Variants in ENPP1 observed in about 807,000 individuals in gnomAD.
ENPP1 encodes the protein ectonucleotide pyrophosphatase/phosphodiesterase family member 1.
A neutral mutation model predicts 122.8 loss-of-function variants in ENPP1; 73 were observed. That is an observed-to-expected ratio of 0.59 (90% confidence interval 0.49 to 0.72). ENPP1 has a LOEUF of 0.72. Ranked by LOEUF, ENPP1 falls within the 30% of genes least tolerant of loss-of-function variation. ENPP1 has a pLI of 0.00. For synonymous variants in ENPP1, 367 were observed against 391.6 expected (o/e 0.94, Z 0.74); for missense variants, 978 against 1,128.1 (o/e 0.87, Z 1.91).
intron 1 of ENPP1, among the ~76,000 whole-genome samples, chr6:131,842,266 ATTG>A (rs1257139941): frequency 1.3e-5 from 2 of 152,132 alleles, no homozygotes; most frequent in Non-Finnish European, 2.9e-5. Flanking sequence ...GACAGCCATG[ATTG>A]TTGTTGTTAT....
chr6:131,857,691 C>A (rs1585820665), intron 6 of ENPP1, among the ~76,000 whole-genome samples: 5 of 152,190 alleles, frequency 3.3e-5, no homozygotes, highest in African/African-American at 1.2e-4. Flanking sequence ...GGGAGATATA[C>A]CTAATGCTAG....
At chr6:131,877,337 C>G in intron 18 of ENPP1, 176 bp downstream of exon 18, 1 of 685,640 alleles carries the variant, frequency 1.5e-6, no homozygotes, top group South Asian at 1.7e-5. Context: ...TTTTCTCTTT[C>G]TAGTTTTTGC....
At position 131,850,088 on chromosome 6, in the gene ENPP1, G is replaced by A. The variant is rs201471942; in HGVS notation, c.412G>A (p.Glu138Lys). ...ELGNCCLDYQETCIEPEHIWT... is the reference protein window; with the variant it reads ...ELGNCCLDYQKTCIEPEHIWT... ...TGGAAACTGCTGTTTAGATTACCAG[G>A]AGACGTGCATAGAACCAGGTAAGGA... The change falls in exon 3 of 25, where the codon GAG (glutamate) becomes AAG (lysine). Residue 138 changes from glutamate to lysine, a missense_variant. By Grantham distance (56) the Glu-to-Lys change is moderately conservative. Around this residue, in one of 3 missense-constraint regions of ENPP1, gnomAD observed 330 missense variants for 328.5 expected, o/e 1.00. Coordinates refer to ENST00000647893, the MANE Select transcript of ENPP1 (RefSeq NM_006208.3). The A allele has an allele frequency of 6.8e-6, 11 of 1,610,804 alleles. No individual in the cohort carries two copies. Among genetic ancestry groups the A allele is most frequent in the Non-Finnish European group, 9.3e-6 (11 of 1,177,018 alleles).
intron 1 of ENPP1, among the ~76,000 whole-genome samples, chr6:131,838,775 GA>G (rs1247782874): frequency 6.6e-6 from 1 of 151,874 alleles, no homozygotes; most frequent in East Asian, 1.9e-4. Context: ...TATCAAGAAT[GA>G]AAAAGAACAC....
chr6:131,889,542 G>A (rs1246129906), intron 24 of ENPP1, among the ~76,000 whole-genome samples: 3 of 152,110 alleles, frequency 2.0e-5, no homozygotes, highest in African/African-American at 7.2e-5. Context: ...CTCCATCCAT[G>A]TCCCTGCACA....
At chr6:131,847,749 A>T (rs769077538) in intron 1 of ENPP1, 27 bp from the exon 2 acceptor site, 1 of 1,469,448 alleles carries the variant, frequency 6.8e-7, no homozygotes, top group African/African-American at 1.4e-5. Flanking sequence ...AAAAGAAACC[A>T]TGTAATTTTC....
intron 22 of ENPP1, among the ~76,000 whole-genome samples, chr6:131,884,415 C>T (rs753291199): frequency 2.0e-5 from 3 of 152,156 alleles, no homozygotes; most frequent in Non-Finnish European, 4.4e-5. Flanking sequence ...TTGGGTTCAA[C>T]GTTTGTCTGT....
intron 1 of ENPP1, among the ~76,000 whole-genome samples, chr6:131,835,231 T>C (rs1225540050): frequency 6.6e-6 from 1 of 152,242 alleles, no homozygotes; most frequent in Non-Finnish European, 1.5e-5. Context: ...TCCTGCTTTC[T>C]TAAGCCAGTC....
At position 131,891,785 on chromosome 6, in the gene ENPP1, G is replaced by C. The variant is rs973425619; in HGVS notation, c.*1274G>C. The C allele has an allele frequency of 7.6e-6, 1 of 131,856 alleles. No homozygotes were observed. Among genetic ancestry groups the C allele is most frequent in the Non-Finnish European group, 1.6e-5 (1 of 62,406 alleles). The allele number at this position is 131,856 out of a possible 1,614,324, so 8.2% of individuals were successfully genotyped here. On this transcript the variant is annotated 3_prime_UTR_variant, in exon 25 of 25. Coordinates refer to ENST00000647893, the MANE Select transcript of ENPP1 (RefSeq NM_006208.3). ...TTTTTTTTCAGTCCTGCAGTTTCCT[G>C]AAGCTCTGTATATGATATTTTTTTC...
intron 1 of ENPP1, among the ~76,000 whole-genome samples, chr6:131,836,042 C>A (rs111894832): frequency 6.6e-6 from 1 of 152,030 alleles, no homozygotes; most frequent in East Asian, 1.9e-4. Flanking sequence ...GACTTTATTT[C>A]TCTTGTCTTC....
chr6:131,831,889 G>A (rs909539971), intron 1 of ENPP1, among the ~76,000 whole-genome samples: 1 of 152,122 alleles, frequency 6.6e-6, no homozygotes, highest in Non-Finnish European at 1.5e-5. Context: ...CTTGATGGTG[G>A]AGTATCTGCA....
At chr6:131,882,290 C>T (rs1782320774) in intron 20 of ENPP1, 55 bp from the exon 21 acceptor site, 2 of 1,504,434 alleles carry the variant, frequency 1.3e-6, no homozygotes, top group Non-Finnish European at 1.8e-6. Context: ...ATTAATAAAG[C>T]AATTTTCTTC....
chr6:131,879,573 A>G (rs1385651826), intron 19 of ENPP1, among the ~76,000 whole-genome samples: 1 of 152,214 alleles, frequency 6.6e-6, no homozygotes, highest in Non-Finnish European at 1.5e-5. Flanking sequence ...ATAAGTAATT[A>G]AAATAGTGCT....
At chr6:131,871,039 G>A (rs1383836490) in intron 13 of ENPP1, among the ~76,000 whole-genome samples, 1 of 151,934 alleles carries the variant, frequency 6.6e-6, no homozygotes, top group African/African-American at 2.4e-5. Context: ...TTGCGCCACT[G>A]CACTCCAGCC....
Position 131,894,982 on chromosome 6 carries a change from C to T in ENPP1, c.*4471C>T, listed in dbSNP as rs755679925. 4.6e-5 allele frequency: 7 copies of T among 152,262 alleles called. No individual in the cohort carries two copies. Among genetic ancestry groups the T allele is most frequent in the Non-Finnish European group, 7.3e-5 (5 of 68,054 alleles). The allele number at this position is 152,262 out of a possible 1,614,324, so 9.4% of individuals were successfully genotyped here. On this transcript the variant is annotated 3_prime_UTR_variant, in exon 25 of 25. Coordinates refer to ENST00000647893, the MANE Select transcript of ENPP1 (RefSeq NM_006208.3). Reference sequence around the variant, plus strand: ...TTACACTTCATGCTGAAGCTTTTCACATGAGTGCTTTCATAAGCATTAAGT... The same window carrying T: ...TTACACTTCATGCTGAAGCTTTTCATATGAGTGCTTTCATAAGCATTAAGT...
At position 131,890,658 on chromosome 6, in the gene ENPP1, T is replaced by TG; in HGVS notation, c.*148dup. ...GTGATGCGGACATCTCAGGGAAACTTGCGTACTCAGCACAGCAGTGGAGAG... is the reference window on the plus strand; with the variant it reads ...GTGATGCGGACATCTCAGGGAAACTTGGCGTACTCAGCACAGCAGTGGAGAG... On this transcript the variant is annotated 3_prime_UTR_variant, in exon 25 of 25. Transcript: ENST00000647893. 1.4e-6 allele frequency: 1 copy of TG among 713,572 alleles called. No homozygotes were observed. The allele number at this position is 713,572 out of a possible 1,614,324, so 44.2% of individuals were successfully genotyped here.
intron 19 of ENPP1, among the ~76,000 whole-genome samples, chr6:131,878,859 G>A (rs1471365275): frequency 6.6e-6 from 1 of 152,134 alleles, no homozygotes; most frequent in Non-Finnish European, 1.5e-5. Context: ...TGATGGAGGT[G>A]TTCAAAAATT....
chr6:131,828,756 A>C (rs944394572), intron 1 of ENPP1, among the ~76,000 whole-genome samples: 2 of 152,246 alleles, frequency 1.3e-5, no homozygotes, highest in Admixed American at 1.3e-4. Context: ...CCAGGCCCAC[A>C]CATTCCCCTC....
chr6:131,849,998 T>TG lies in ENPP1; in HGVS notation c.323dup (p.Cys108TrpfsTer16). 1 of 1,613,156 alleles carries TG rather than the reference T, an allele frequency of 6.2e-7. No homozygotes were observed. Among genetic ancestry groups the TG allele is most frequent in the African/African-American group, 1.3e-5 (1 of 75,048 alleles). Reference sequence around the variant, plus strand: ...TCGTTCAATTTTTTCAGTTAAAAGTTGCAAAGGTCGCTGTTTCGAGAGAAC... The same window carrying TG: ...TCGTTCAATTTTTTCAGTTAAAAGTTGGCAAAGGTCGCTGTTTCGAGAGAAC... On this transcript the variant is annotated frameshift_variant, in exon 3 of 25. Coordinates refer to ENST00000647893, the MANE Select transcript of ENPP1 (RefSeq NM_006208.3). LOFTEE classifies it high-confidence loss of function.
Sources: allele counts gnomAD v4.1 joint callset (sites outside exome capture counted in the v4.1 genomes callset), GRCh38; gene constraint gnomAD v4.1.1; regional missense constraint gnomAD v4.1.1; transcripts MANE v1.5; gene names NCBI Gene and HGNC (gene_info 2026-07-23, HGNC 2026-07-21).